JMJD1C: variants seen among roughly 807,000 people sequenced by gnomAD.
JMJD1C encodes jumonji domain-containing protein 1C.
JMJD1C carries 31 observed loss-of-function variants against 245.3 expected under a neutral mutation model. That is an observed-to-expected ratio of 0.13 (90% confidence interval 0.09 to 0.17). The LOEUF (loss-of-function observed/expected upper bound fraction) is 0.17. Among genes scored for constraint, JMJD1C ranks in the 10% least tolerant of loss-of-function variants. JMJD1C has a pLI of 1.00. For missense variants in JMJD1C, 2,691 were observed against 3,000.2 expected (o/e 0.90, Z 2.41); for synonymous variants, 1,057 against 1,017.4 (o/e 1.04, Z -0.74).
chr10:63,446,041 A>T (rs1951701992), intron 1 of JMJD1C, among the ~76,000 whole-genome samples: 1 of 151,410 alleles, frequency 6.6e-6, no homozygotes, highest in Non-Finnish European at 1.5e-5. Context: ...ACGCCTAGCT[A>T]ATTTTTTGTA....
At chr10:63,456,142 T>C (rs1952396676) in intron 1 of JMJD1C, among the ~76,000 whole-genome samples, 1 of 152,056 alleles carries the variant, frequency 6.6e-6, no homozygotes, top group South Asian at 2.1e-4. Flanking sequence ...CAATGTAAAG[T>C]AAAATGGTTT....
chr10:63,451,296 A>C (rs1216416426), intron 1 of JMJD1C, among the ~76,000 whole-genome samples: 1 of 152,202 alleles, frequency 6.6e-6, no homozygotes, highest in African/African-American at 2.4e-5. Context: ...TCCACATGGA[A>C]TCGCAGGGGA....
At chr10:63,517,970 T>C (rs910107856) in intron 1 of JMJD1C, among the ~76,000 whole-genome samples, 2 of 152,086 alleles carry the variant, frequency 1.3e-5, no homozygotes, top group South Asian at 2.1e-4. Flanking sequence ...TTTTTGTATT[T>C]TTAGTAGAGA....
chr10:63,493,438 C>T lies in JMJD1C; in HGVS notation n.113+28300G>A, dbSNP rs895631637. On this transcript the variant is annotated intron_variant and non_coding_transcript_variant, in intron 1 of 3. Transcript: ENST00000633035. ...CTGCGATTATAGGCGTCAGCCACCA[C>T]GCCCTGCTAATTTTTGTATTTTTAA... Among the ~76,000 whole-genome samples, 6 of 151,628 alleles carry T rather than the reference C, an allele frequency of 4.0e-5. No homozygotes were observed. The East Asian group carries it at 7.8e-4, about 20-fold the overall frequency.
At chr10:63,427,477 AG>A in intron 1 of JMJD1C, 3 of 1,225,510 alleles carry the variant, frequency 2.4e-6, no homozygotes, top group Middle Eastern at 1.9e-4. Context: ...CAAGACCAAC[AG>A]GATGTCCCAC....
intron 3 of JMJD1C, among the ~76,000 whole-genome samples, chr10:63,227,197 A>T (rs978637994): frequency 6.6e-6 from 1 of 152,212 alleles, no homozygotes; most frequent in African/African-American, 2.4e-5. Context: ...TATAAAACAT[A>T]AGCTCAGAAC....
chr10:63,332,399 A>G (rs1942254179), intron 2 of JMJD1C, among the ~76,000 whole-genome samples: 1 of 152,242 alleles, frequency 6.6e-6, no homozygotes, highest in Non-Finnish European at 1.5e-5. Context: ...CTCAAGCACC[A>G]TATCAAATAA....
chr10:63,352,248 T>G (rs929789373), intron 2 of JMJD1C, among the ~76,000 whole-genome samples: 2 of 152,120 alleles, frequency 1.3e-5, no homozygotes, highest in African/African-American at 4.8e-5. Context: ...GAAAAAGAAC[T>G]ACACAGAGCT....
chr10:63,404,571 T>C (rs1261593775), intron 1 of JMJD1C, among the ~76,000 whole-genome samples: 1 of 152,026 alleles, frequency 6.6e-6, no homozygotes, highest in South Asian at 2.1e-4. Flanking sequence ...TTTGAGATTT[T>C]AACATGAAGA....
chr10:63,450,921 GAA>G lies in JMJD1C; in HGVS notation c.168+14572_168+14573del, dbSNP rs71025179. On this transcript the variant is annotated intron_variant, in intron 1 of 25. Coordinates refer to ENST00000399262, the MANE Select transcript of JMJD1C (RefSeq NM_032776.3). Reference sequence around the variant, plus strand: ...ACCCTAACAATTTCACACACACACAGAAAAAAAAAAAAAAACTCTTAGAGCTA... The same window carrying G: ...ACCCTAACAATTTCACACACACACAGAAAAAAAAAAAAACTCTTAGAGCTA... 1.7e-3 allele frequency among the ~76,000 whole-genome samples: 234 copies of G among 137,488 alleles called. 1 individual carries two copies. The South Asian group carries it at 0.021, about 12-fold the overall frequency. The allele number at this position is 137,488 out of a possible 152,430, so 90.2% of individuals were successfully genotyped here. A position where few individuals can be genotyped will look rare whatever the true frequency, so the allele number is the denominator to read the frequency against.
At chr10:63,472,332 T>G (rs965373567) in intron 1 of JMJD1C, among the ~76,000 whole-genome samples, 3 of 152,088 alleles carry the variant, frequency 2.0e-5, no homozygotes, top group Non-Finnish European at 2.9e-5. Flanking sequence ...ATTTCTTTTT[T>G]ATTTAATTAT....
chr10:63,334,164 A>G (rs992411349), intron 2 of JMJD1C, among the ~76,000 whole-genome samples: 1 of 152,208 alleles, frequency 6.6e-6, no homozygotes, highest in African/African-American at 2.4e-5. Context: ...CTTTTTCAGT[A>G]CTGTTAAATG....
chr10:63,474,820 A>C (rs917665282), intron 1 of JMJD1C, among the ~76,000 whole-genome samples: 15 of 152,182 alleles, frequency 9.9e-5, no homozygotes, highest in African/African-American at 3.4e-4. Flanking sequence ...CAAAAGTTCC[A>C]AATTATGTAG....
chr10:63,353,981 C>T (rs1211359060), intron 2 of JMJD1C, among the ~76,000 whole-genome samples: 2 of 152,130 alleles, frequency 1.3e-5, no homozygotes, highest in African/African-American at 2.4e-5. Flanking sequence ...GCTGGAACTA[C>T]AGGCACACAC....
intron 2 of JMJD1C, among the ~76,000 whole-genome samples, chr10:63,278,486 T>G (rs1857043407): frequency 6.6e-6 from 1 of 151,296 alleles, no homozygotes; most frequent in Non-Finnish European, 1.5e-5. Flanking sequence ...ATTACGCCAC[T>G]GCACTCTGGC....
At chr10:63,323,063 GA>G (rs1256613232) in intron 2 of JMJD1C, among the ~76,000 whole-genome samples, 1 of 151,930 alleles carries the variant, frequency 6.6e-6, no homozygotes, top group Non-Finnish European at 1.5e-5. Flanking sequence ...AGAGAAGAGA[GA>G]AAAGGAAAGA....
At chr10:63,371,677 T>C (rs905794955) in intron 2 of JMJD1C, among the ~76,000 whole-genome samples, 6 of 122,018 alleles carry the variant, frequency 4.9e-5, no homozygotes, top group African/African-American at 1.6e-4. Flanking sequence ...ATGGTTCTTA[T>C]AACATAATAC....
intron 2 of JMJD1C, among the ~76,000 whole-genome samples, chr10:63,271,182 C>CT (rs769083228): frequency 4.0e-5 from 6 of 150,588 alleles, no homozygotes; most frequent in Admixed American, 6.6e-5. Context: ...TTTTTCTTTT[C>CT]TTTTTTTTTC....
chr10:63,427,747 T>C, intron 1 of JMJD1C: 1 of 1,371,002 alleles, frequency 7.3e-7, no homozygotes, highest in South Asian at 1.2e-5. Flanking sequence ...TCTTGCCCAG[T>C]TCAAAAGCAA....
Sources: allele counts gnomAD v4.1 joint callset (sites outside exome capture counted in the v4.1 genomes callset), GRCh38; gene constraint gnomAD v4.1.1; transcripts MANE v1.5; gene names NCBI Gene and HGNC (gene_info 2026-07-23, HGNC 2026-07-21).